Variants in DYNC2I1 observed in about 807,000 individuals in gnomAD.
DYNC2I1 encodes the protein dynein 2 intermediate chain 1.
DYNC2I1 carries 89 observed loss-of-function variants against 133.4 expected under a neutral mutation model. The ratio of observed to expected loss-of-function variants is 0.67; its 90% CI spans 0.56 to 0.80. The LOEUF is 0.80. Among genes scored for constraint, DYNC2I1 ranks in the 30% least tolerant of loss-of-function variants. DYNC2I1 has a pLI of 0.00. For missense variants in DYNC2I1, 1,291 were observed against 1,314.5 expected (o/e 0.98, Z 0.28); for synonymous variants, 504 against 484.3 (o/e 1.04, Z -0.54).
At chr7:158,921,143 G>C (rs1849038905) in intron 15 of DYNC2I1, among the ~76,000 whole-genome samples, 1 of 152,172 alleles carries the variant, frequency 6.6e-6, no homozygotes, top group Admixed American at 6.5e-5. Context: ...TCAGAGAGGG[G>C]TAAGTTCTAA....
Position 158,871,176 on chromosome 7 carries a change from A to C in DYNC2I1, c.104A>C (p.Lys35Thr), listed in dbSNP as rs774295782. The C allele has an allele frequency of 6.2e-7, 1 of 1,613,578 alleles. No homozygotes were observed. Among genetic ancestry groups the C allele is most frequent in the South Asian group, 1.1e-5 (1 of 91,040 alleles). The change falls in exon 3 of 25, where the codon AAG becomes ACG. Residue 35 changes from lysine (K) to threonine (T), a missense_variant. Coordinates refer to ENST00000407559, the MANE Select transcript of DYNC2I1 (RefSeq NM_018051.5). ...TCAGGTGGTTCCAAGGAAGAAAGAA[A>C]GCACAGAGAGAAGAAGCTGCGTAAG... ...IQSGGSKEER[K>T]HREKKLRKES...
At chr7:158,854,839 G>A (rs904324985), upstream of DYNC2I1, among the ~76,000 whole-genome samples, 4 of 152,226 alleles carry the variant, frequency 2.6e-5, no homozygotes, top group African/African-American at 9.6e-5. Context: ...TTAAGTTGCA[G>A]ATCTAAAGTT....
At chr7:158,918,523 G>A (rs1848703883) in intron 14 of DYNC2I1, among the ~76,000 whole-genome samples, 1 of 152,126 alleles carries the variant, frequency 6.6e-6, no homozygotes, top group Admixed American at 6.5e-5. Flanking sequence ...AACATTCAGG[G>A]CAAATGATGA....
chr7:158,839,612 G>T, the DYNC2I1 span, among the ~76,000 whole-genome samples: 1 of 152,214 alleles, frequency 6.6e-6, no homozygotes, highest in African/African-American at 2.4e-5. Flanking sequence ...GAGGTCAGGA[G>T]ATCGAGACCA....
the DYNC2I1 span, among the ~76,000 whole-genome samples, chr7:158,842,559 C>T: frequency 6.6e-6 from 1 of 152,186 alleles, no homozygotes; most frequent in South Asian, 2.1e-4. Context: ...TTACCAATGG[C>T]CCGCACTGAG....
chr7:158,921,779 T>C (rs1465753179), intron 15 of DYNC2I1, among the ~76,000 whole-genome samples: 1 of 152,220 alleles, frequency 6.6e-6, no homozygotes, highest in Non-Finnish European at 1.5e-5. Flanking sequence ...TCCAGTTCTT[T>C]GACTGAAGTT....
At chr7:158,930,208 C>T (rs1312516527) in intron 20 of DYNC2I1, among the ~76,000 whole-genome samples, 1 of 151,828 alleles carries the variant, frequency 6.6e-6, no homozygotes, top group Non-Finnish European at 1.5e-5. Context: ...TATAAAGGCT[C>T]CCAGATCATG....
intron 1 of DYNC2I1, among the ~76,000 whole-genome samples, chr7:158,860,219 C>T (rs1351292717): frequency 6.6e-6 from 1 of 152,020 alleles, no homozygotes; most frequent in Non-Finnish European, 1.5e-5. Flanking sequence ...CTATGCTGGG[C>T]TAATTTTTTT....
In DYNC2I1 at chr7:158,942,141, C is replaced by T. The variant is rs750896899; in HGVS notation, c.2995C>T (p.Pro999Ser). Residue 999 changes from proline (P) to serine (S), a missense_variant, in exon 24 of 25, where the codon CCC (proline) becomes TCC (serine). Transcript: ENST00000407559. ...LGPVAKQQVS[P>S]NRLVAMAAVG... ...TCCTGTCGCCAAACAGCAGGTCTCC[C>T]CCAACAGGCAAGTGGGGAAGCTCTG... The T allele has an allele frequency of 6.5e-7, 1 of 1,545,352 alleles. No individual in the cohort carries two copies. The highest frequency in any genetic ancestry group is 8.8e-7 in the Non-Finnish European group (1 of 1,142,798).
intron 1 of DYNC2I1, among the ~76,000 whole-genome samples, chr7:158,858,606 G>T (rs1438769670): frequency 1.3e-5 from 2 of 150,208 alleles, no homozygotes; most frequent in African/African-American, 2.4e-5. Context: ...CATATTACCT[G>T]TTTAATGAAA....
chr7:158,948,250 G>A (rs889679042), downstream of DYNC2I1, among the ~76,000 whole-genome samples: 2 of 152,218 alleles, frequency 1.3e-5, no homozygotes, highest in African/African-American at 2.4e-5. Context: ...TGGGCTTCCC[G>A]TCTGACTTTA....
chr7:158,862,891 C>T (rs898722782), intron 1 of DYNC2I1, among the ~76,000 whole-genome samples: 4 of 151,640 alleles, frequency 2.6e-5, no homozygotes, highest in Admixed American at 6.6e-5. Flanking sequence ...TCGCAGTGAG[C>T]GTTACAGCTC....
intron 1 of DYNC2I1, among the ~76,000 whole-genome samples, chr7:158,865,562 C>T (rs888000807): frequency 2.0e-5 from 3 of 152,132 alleles, no homozygotes; most frequent in African/African-American, 7.2e-5. Flanking sequence ...TGCTGAAGAC[C>T]GCAGGCTCCA....
At chr7:158,906,251 A>G (rs1333091118) in intron 11 of DYNC2I1, among the ~76,000 whole-genome samples, 160 bp downstream of exon 11, 1 of 152,160 alleles carries the variant, frequency 6.6e-6, no homozygotes, top group African/African-American at 2.4e-5. Context: ...ATCTTATGTT[A>G]GTAGAGCAGG....
chr7:158,930,712 C>T (rs548881180), intron 21 of DYNC2I1, among the ~76,000 whole-genome samples, 197 bp downstream of exon 21: 4 of 152,024 alleles, frequency 2.6e-5, no homozygotes, highest in Admixed American at 6.6e-5. Flanking sequence ...CTTGTTGCCC[C>T]GGCTGGAGTG....
intron 1 of DYNC2I1, among the ~76,000 whole-genome samples, chr7:158,864,219 C>T (rs1435918938): frequency 6.6e-6 from 1 of 152,082 alleles, no homozygotes; most frequent in Non-Finnish European, 1.5e-5. Flanking sequence ...TTTAAAGGAG[C>T]TCACATTCCT....
Position 158,926,985 on chromosome 7 carries a change from T to C in DYNC2I1, c.2434-7T>C. 6.3e-7 allele frequency: 1 copy of C among 1,594,774 alleles called. No individual in the cohort carries two copies. The highest frequency in any genetic ancestry group is 1.7e-5 in the Admixed American group (1 of 58,596). The stretch of plus-strand genomic sequence containing the variant: ...ATCAATATTCATTTTCAATATTCTG[T>C]TTTTAGGTGGTTGTTGAATTACCAA... On this transcript the variant is annotated splice_polypyrimidine_tract_variant and splice_region_variant and intron_variant, in intron 19 of 24. Coordinates refer to ENST00000407559, the MANE Select transcript of DYNC2I1 (RefSeq NM_018051.5).
At position 158,905,140 on chromosome 7, in the gene DYNC2I1, C is replaced by CTTTTTTTT. The variant is rs77389434; in HGVS notation, c.1358-838_1358-831dup. 2.8e-3 allele frequency: 949 copies of CTTTTTTTT among 337,796 alleles called. 48 individuals are homozygous for CTTTTTTTT. Among genetic ancestry groups the CTTTTTTTT allele is most frequent in the South Asian group, 4.8e-3 (212 of 44,238 alleles). 20.9% of individuals were successfully genotyped at this position (337,796 alleles called of 1,614,324 possible). The stretch of plus-strand genomic sequence containing the variant: ...GTTGTTTGTTCTTGTCTTTCTTTTT[C>CTTTTTTTT]TTTTTTTTTTTTTTTTTTGAGACAG... On this transcript the variant is annotated intron_variant, in intron 10 of 24. Transcript: ENST00000407559.
chr7:158,945,613 A>C lies in DYNC2I1; in HGVS notation c.3035A>C (p.Glu1012Ala). ...LVAMAAVGEP[E>A]KAGGSFLALV... is the part of the protein sequence containing the mutation. Reference sequence around the variant, plus strand: ...GCCATGGCTGCGGTGGGTGAGCCTGAGAAGGCTGGTGGCAGCTTCCTGGCC... The same window carrying C: ...GCCATGGCTGCGGTGGGTGAGCCTGCGAAGGCTGGTGGCAGCTTCCTGGCC... Residue 1012 changes from glutamate to alanine, a missense_variant, in exon 25 of 25, where the codon GAG (glutamate) becomes GCG (alanine). Coordinates refer to ENST00000407559, the MANE Select transcript of DYNC2I1 (RefSeq NM_018051.5). The surrounding 1 kb of genome is among the most constrained non-coding windows in gnomAD (Gnocchi z 4.1). The C allele has an allele frequency of 1.2e-6, 2 of 1,609,466 alleles. No homozygotes were observed. The highest frequency in any genetic ancestry group is 1.7e-6 in the Non-Finnish European group (2 of 1,178,330).
Sources: allele counts gnomAD v4.1 joint callset (sites outside exome capture counted in the v4.1 genomes callset), GRCh38; gene constraint gnomAD v4.1.1; non-coding constraint Gnocchi (gnomAD v3.1); transcripts MANE v1.5; gene names NCBI Gene and HGNC (gene_info 2026-07-23, HGNC 2026-07-21).